STX18: variants seen among roughly 807,000 people sequenced by gnomAD.
STX18 encodes the protein syntaxin 18.
In STX18, 40 loss-of-function variants were observed where a neutral mutation model predicts 50.1. That is an observed-to-expected ratio of 0.80 (90% confidence interval 0.62 to 1.04). The LOEUF (loss-of-function observed/expected upper bound fraction) is 1.04. Among genes scored for constraint, STX18 ranks in the 50% least tolerant of loss-of-function variants. The pLI is 0.00. For missense variants in STX18, 410 were observed against 415.8 expected, an observed-to-expected ratio of 0.99 and a Z score of 0.12; for synonymous variants, 158 against 151.8, an observed-to-expected ratio of 1.04 and a Z score of -0.30.
chr4:4,434,696 A>G, intron 7 of STX18, 74 bp downstream of exon 7: 1 of 1,231,588 alleles, frequency 8.1e-7, no homozygotes, highest in Non-Finnish European at 1.2e-6. Context: ...GGCATTGAGG[A>G]TGAGTTTCTC....
At position 4,420,927 on chromosome 4, in the gene STX18, G is replaced by A. The variant is rs760049097; in HGVS notation, c.849C>T (p.Ser283=). The A allele has an allele frequency of 5.6e-6, 9 of 1,614,120 alleles. No individual in the cohort carries two copies. In the South Asian group the frequency reaches 9.9e-5, roughly 18 times the overall value. The change falls in exon 10 of 11, where the codon AGC becomes AGT. Residue 283 remains serine (S), a synonymous_variant. Transcript: ENST00000306200. The surrounding 1 kb of genome is among the most constrained non-coding windows in gnomAD (Gnocchi z 4.3). Reference sequence around the variant, plus strand: ...TTGCCCCCACAACTAACTGGTGAATGCTGTCAATCTCAGCTTCCTGTGGAA... The same window carrying A: ...TTGCCCCCACAACTAACTGGTGAATACTGTCAATCTCAGCTTCCTGTGGAA... ...KVLQQEAEID[S]IHQLVVGATE...
chr4:4,486,652 C>T (rs547935406), intron 1 of STX18, among the ~76,000 whole-genome samples: 17 of 152,224 alleles, frequency 1.1e-4, no homozygotes, highest in Non-Finnish European at 2.2e-4. Context: ...TAGGAAGTGT[C>T]GGAGCTGTAT....
At chr4:4,423,489 A>C in intron 9 of STX18, 29 bp downstream of exon 9, 1 of 1,610,662 alleles carries the variant, frequency 6.2e-7, no homozygotes, top group Non-Finnish European at 8.5e-7. Context: ...GAGTGAAAAC[A>C]TACAGCTCCT....
chr4:4,537,825 T>C (rs940627707), intron 1 of STX18, among the ~76,000 whole-genome samples: 2 of 152,180 alleles, frequency 1.3e-5, no homozygotes, highest in African/African-American at 4.8e-5. Flanking sequence ...AATCCAAGTC[T>C]TTCTGCCCCA....
intron 7 of STX18, among the ~76,000 whole-genome samples, chr4:4,429,676 G>A (rs914041248): frequency 6.6e-6 from 1 of 152,190 alleles, no homozygotes; most frequent in Non-Finnish European, 1.5e-5. Context: ...GACAGTAGAC[G>A]GACTCTGCCG....
At chr4:4,481,599 A>G (rs1358083698) in intron 1 of STX18, 1 of 152,220 alleles carries the variant, frequency 6.6e-6, no homozygotes, top group Non-Finnish European at 1.5e-5. Flanking sequence ...CACAAGGATC[A>G]TGTACCCAAG....
At chr4:4,492,097 T>C (rs990220385) in intron 1 of STX18, among the ~76,000 whole-genome samples, 33 of 152,248 alleles carry the variant, frequency 2.2e-4, no homozygotes, top group African/African-American at 6.5e-4. Flanking sequence ...AATTAAGTAA[T>C]AGCTTCTCTT....
At chr4:4,425,332 G>A in intron 7 of STX18, 110 bp from the exon 8 acceptor site, 1 of 992,076 alleles carries the variant, frequency 1.0e-6, no homozygotes, top group Non-Finnish European at 1.6e-6. Context: ...CCCATTTCCA[G>A]CTGCGGCAAC....
At chr4:4,505,578 G>A (rs927188021) in intron 1 of STX18, among the ~76,000 whole-genome samples, 13 of 151,328 alleles carry the variant, frequency 8.6e-5, no homozygotes, top group African/African-American at 2.4e-4. Context: ...CCAGGTGTTC[G>A]AGACCAGCCT....
rs752747700 is a variant in STX18, at chr4:4,459,422, T to C, written c.302A>G (p.Gln101Arg). 14 of 1,614,196 alleles carry C rather than the reference T, an allele frequency of 8.7e-6. No homozygotes were observed. The Admixed American group carries it at 2.2e-4, about 25-fold the overall frequency. ...TERDQIDQDA[Q>R]IFMRTCSEAI... ...TTCTGAACAGGTCCTCATGAATATC[T>C]GGGCATCCTGGTCTATCTGGTCTCG... Residue 101 changes from glutamine to arginine, a missense_variant, in exon 3 of 11, where the codon CAG becomes CGG. Transcript: ENST00000306200.
chr4:4,481,831 C>G (rs1486131376), intron 1 of STX18: 1 of 152,306 alleles, frequency 6.6e-6, no homozygotes, highest in Non-Finnish European at 1.5e-5. Context: ...GCTAGCACAG[C>G]CACAGACATT....
At chr4:4,493,702 G>GA (rs956336309) in intron 1 of STX18, among the ~76,000 whole-genome samples, 12 of 152,168 alleles carry the variant, frequency 7.9e-5, no homozygotes, top group African/African-American at 2.4e-4. Flanking sequence ...AGCATCAATA[G>GA]AAAATATTGT....
chr4:4,512,302 T>C (rs1730041648), intron 1 of STX18, among the ~76,000 whole-genome samples: 1 of 152,136 alleles, frequency 6.6e-6, no homozygotes, highest in Admixed American at 6.5e-5. Flanking sequence ...TCCAGGCCTC[T>C]GGACTAAGAA....
chr4:4,509,514 C>T (rs1485246427), intron 1 of STX18, among the ~76,000 whole-genome samples: 2 of 152,002 alleles, frequency 1.3e-5, no homozygotes, highest in African/African-American at 2.4e-5. Flanking sequence ...GACAAAAAGG[C>T]TGTCTTGTAA....
chr4:4,527,939 G>T (rs558161515), intron 1 of STX18, among the ~76,000 whole-genome samples: 4 of 151,476 alleles, frequency 2.6e-5, no homozygotes, highest in Admixed American at 2.0e-4. Flanking sequence ...TGGGCATGGG[G>T]AAGACATCCC....
upstream of STX18, chr4:4,542,112 C>T (rs988218398): frequency 2.5e-5 from 26 of 1,055,342 alleles, no homozygotes; most frequent in African/African-American, 3.9e-4. Flanking sequence ...CGGCCTGCGC[C>T]CTGCTACCGC....
intron 2 of STX18, among the ~76,000 whole-genome samples, chr4:4,463,249 A>T (rs1295341112): frequency 6.6e-6 from 1 of 152,218 alleles, no homozygotes; most frequent in Admixed American, 6.5e-5. Context: ...TGTAGCATAA[A>T]AACAGCCCTA....
intron 8 of STX18, 108 bp from the exon 9 acceptor site, chr4:4,423,695 CAG>C (rs1491152773): frequency 0.017 from 19,001 of 1,127,884 alleles, 217 homozygotes; most frequent in Non-Finnish European, 0.021. Flanking sequence ...GTGGGAGAGA[CAG>C]GGGGCACACT....
intron 3 of STX18, among the ~76,000 whole-genome samples, chr4:4,458,612 G>T (rs73086252): frequency 1.9e-3 from 285 of 152,224 alleles, no homozygotes; most frequent in African/African-American, 6.6e-3. Flanking sequence ...CAAGAAAGAG[G>T]CGTGACTTGG....
Sources: gnomAD v4.1 joint callset for allele counts (sites outside exome capture counted in the v4.1 genomes callset) on GRCh38, gnomAD v4.1.1 for gene constraint, Gnocchi (gnomAD v3.1) non-coding constraint, MANE v1.5 for transcripts, NCBI Gene and HGNC (gene_info 2026-07-23, HGNC 2026-07-21) for gene names.